Variants in RAB3GAP1 observed in about 807,000 individuals in gnomAD.
RAB3GAP1 encodes the protein rab3 GTPase-activating protein catalytic subunit.
Under a neutral mutation model 130.7 loss-of-function variants are expected in RAB3GAP1, and 86 were observed. The observed-to-expected ratio is 0.66, with a 90% CI of 0.55 to 0.79. The LOEUF (loss-of-function observed/expected upper bound fraction) is 0.79. Ranked by LOEUF, RAB3GAP1 falls within the 30% of genes least tolerant of loss-of-function variation. The pLI, the probability that RAB3GAP1 is intolerant of heterozygous loss-of-function variation, is 0.00. For missense variants in RAB3GAP1, 1,029 were observed against 1,169.4 expected (o/e 0.88, Z 1.75); for synonymous variants, 367 against 401.7 (o/e 0.91, Z 1.03).
At chr2:135,065,749 A>G (rs961499484) in intron 3 of RAB3GAP1, among the ~76,000 whole-genome samples, 1 of 151,514 alleles carries the variant, frequency 6.6e-6, no homozygotes, top group Non-Finnish European at 1.5e-5. Flanking sequence ...TAAAATTTCT[A>G]ATACGGGATC....
At chr2:135,121,669 A>C (rs1451559334) in intron 8 of RAB3GAP1, among the ~76,000 whole-genome samples, 1 of 152,226 alleles carries the variant, frequency 6.6e-6, no homozygotes. Flanking sequence ...CTAGCCTGAA[A>C]ACGTTTTTTA....
At chr2:135,127,242 G>C (rs951847338) in intron 11 of RAB3GAP1, among the ~76,000 whole-genome samples, 2 of 147,980 alleles carry the variant, frequency 1.4e-5, no homozygotes, top group Non-Finnish European at 3.0e-5. Flanking sequence ...TTCCTCCTGT[G>C]GCATAGTCTG....
chr2:135,172,268 A>G (rs1692875633), downstream of RAB3GAP1, among the ~76,000 whole-genome samples: 1 of 151,928 alleles, frequency 6.6e-6, no homozygotes, highest in African/African-American at 2.4e-5. Context: ...CGTCTCTATT[A>G]AAAGTTAAAA....
At chr2:135,079,148 C>T (rs1366358109) in intron 3 of RAB3GAP1, among the ~76,000 whole-genome samples, 4 of 152,092 alleles carry the variant, frequency 2.6e-5, no homozygotes, top group Non-Finnish European at 1.5e-5. Context: ...GGATTACAGG[C>T]GTGAGCCACT....
chr2:135,097,169 C>G (rs1690321115), intron 5 of RAB3GAP1, among the ~76,000 whole-genome samples: 1 of 151,460 alleles, frequency 6.6e-6, no homozygotes, highest in African/African-American at 2.4e-5. Flanking sequence ...AAAAAAAAGC[C>G]CTATTGTCCC....
chr2:135,175,132 A>G (rs934437681), downstream of RAB3GAP1, among the ~76,000 whole-genome samples: 3 of 152,238 alleles, frequency 2.0e-5, no homozygotes, highest in Non-Finnish European at 4.4e-5. Context: ...AGTCCAGGTG[A>G]GCAAATTACC....
At chr2:135,117,477 T>TCTTCTTCTTCTTCTG (rs1691015625) in intron 7 of RAB3GAP1, among the ~76,000 whole-genome samples, 1 of 145,458 alleles carries the variant, frequency 6.9e-6, no homozygotes. Flanking sequence ...TGCTTCTGCT[T>TCTTCTTCTTCTTCTG]CTTCTGCTTC....
chr2:135,090,541 A>G (rs973333245), intron 3 of RAB3GAP1, among the ~76,000 whole-genome samples: 2 of 152,088 alleles, frequency 1.3e-5, no homozygotes, highest in Non-Finnish European at 2.9e-5. Flanking sequence ...TTTTCATTCA[A>G]GAAGTTGCTG....
intron 7 of RAB3GAP1, among the ~76,000 whole-genome samples, chr2:135,119,070 T>TCCTCCCTC (rs60770587): frequency 1.1e-3 from 146 of 137,984 alleles, no homozygotes; most frequent in Non-Finnish European, 1.4e-3. Flanking sequence ...CTTCCTTCCT[T>TCCTCCCTC]CCTCCCTCCC....
At chr2:135,103,035 ATTT>A (rs539310402) in intron 5 of RAB3GAP1, among the ~76,000 whole-genome samples, 26 of 90,872 alleles carry the variant, frequency 2.9e-4, no homozygotes, top group African/African-American at 1.3e-3. Context: ...CATTTTTGTG[ATTT>A]TTTTTTTTTT....
intron 5 of RAB3GAP1, among the ~76,000 whole-genome samples, chr2:135,110,298 T>C (rs1019393645): frequency 6.6e-6 from 1 of 152,148 alleles, no homozygotes; most frequent in Non-Finnish European, 1.5e-5. Context: ...CATGCCCAGC[T>C]AATTTTTACA....
chr2:135,148,214 G>C (rs1205487880), intron 17 of RAB3GAP1, among the ~76,000 whole-genome samples: 1 of 152,026 alleles, frequency 6.6e-6, no homozygotes, highest in Non-Finnish European at 1.5e-5. Context: ...GAAATGGTTG[G>C]AATTCAAAAT....
At chr2:135,075,951 G>A (rs57163949) in intron 3 of RAB3GAP1, among the ~76,000 whole-genome samples, 16,567 of 139,472 alleles carry the variant, frequency 0.12, 1,216 homozygotes, top group South Asian at 0.33. Context: ...TCACTCTGTC[G>A]CCAGGCTGTA....
intron 3 of RAB3GAP1, among the ~76,000 whole-genome samples, chr2:135,064,282 C>T (rs1457074495): frequency 6.6e-6 from 1 of 151,902 alleles, no homozygotes; most frequent in African/African-American, 2.4e-5. Flanking sequence ...AATTTTTTTG[C>T]CCCATTCTCT....
At chr2:135,117,409 TTTCTTC>T (rs764864449) in intron 7 of RAB3GAP1, among the ~76,000 whole-genome samples, 1,783 of 100,258 alleles carry the variant, frequency 0.018, 43 homozygotes, top group Middle Eastern at 0.13. Context: ...CAATACTTTA[TTTCTTC>T]TTCTTCTTCT....
intron 5 of RAB3GAP1, among the ~76,000 whole-genome samples, chr2:135,097,088 AT>A (rs1251436683): frequency 6.6e-6 from 1 of 151,988 alleles, no homozygotes; most frequent in Non-Finnish European, 1.5e-5. Flanking sequence ...TCAACACTTT[AT>A]ATAGTTTTTT....
intron 21 of RAB3GAP1, 27 bp from the exon 22 acceptor site, chr2:135,162,959 G>A: frequency 6.3e-7 from 1 of 1,593,114 alleles, no homozygotes; most frequent in Non-Finnish European, 8.6e-7. Flanking sequence ...ATCTCGCAAT[G>A]TATGCCTCTT....
intron 3 of RAB3GAP1, among the ~76,000 whole-genome samples, chr2:135,065,094 A>G (rs1689281599): frequency 6.6e-6 from 1 of 152,150 alleles, no homozygotes; most frequent in Non-Finnish European, 1.5e-5. Context: ...GACAGTTTAT[A>G]TATAAATTTG....
chr2:135,140,043 G>A (rs1056624484), intron 17 of RAB3GAP1, among the ~76,000 whole-genome samples: 1 of 151,982 alleles, frequency 6.6e-6, no homozygotes, highest in African/African-American at 2.4e-5. Flanking sequence ...TTTATTTACC[G>A]ATTTTGAGAG....
Sources: allele counts gnomAD v4.1 joint callset (sites outside exome capture counted in the v4.1 genomes callset), GRCh38; gene constraint gnomAD v4.1.1; transcripts MANE v1.5; gene names NCBI Gene and HGNC (gene_info 2026-07-23, HGNC 2026-07-21).